Variants in MKLN1 observed in about 807,000 individuals in gnomAD.
MKLN1 encodes muskelin.
MKLN1 carries 18 observed loss-of-function variants against 99.0 expected under a neutral mutation model. That is an observed-to-expected ratio of 0.18 (90% confidence interval 0.13 to 0.27). MKLN1 has a LOEUF of 0.27. Among genes scored for constraint, MKLN1 ranks in the 10% least tolerant of loss-of-function variants. MKLN1 has a pLI of 1.00. For synonymous variants in MKLN1, 288 were observed against 293.2 expected (o/e 0.98, Z 0.18); for missense variants, 621 against 875.9 (o/e 0.71, Z 3.67).
intron 3 of MKLN1, among the ~76,000 whole-genome samples, chr7:131,281,959 C>T (rs1053002533): frequency 1.3e-5 from 2 of 152,138 alleles, no homozygotes; most frequent in African/African-American, 4.8e-5. Flanking sequence ...AGCCACCATG[C>T]CCAGCCACTG....
chr7:131,212,813 C>G (rs374599316), intron 3 of MKLN1, among the ~76,000 whole-genome samples: 1 of 152,170 alleles, frequency 6.6e-6, no homozygotes. Context: ...ATCCCAGCTA[C>G]TCCTGAGGCT....
chr7:131,264,537 G>T (rs1427576151), intron 3 of MKLN1, among the ~76,000 whole-genome samples: 1 of 152,128 alleles, frequency 6.6e-6, no homozygotes, highest in Non-Finnish European at 1.5e-5. Flanking sequence ...TAAGGAAAAT[G>T]AGTTATTTTT....
At chr7:131,315,500 C>G (rs1798649108) in intron 3 of MKLN1, among the ~76,000 whole-genome samples, 1 of 152,190 alleles carries the variant, frequency 6.6e-6, no homozygotes, top group Non-Finnish European at 1.5e-5. Context: ...ACTGAGCTAG[C>G]TACAGTTTTT....
chr7:131,428,599 A>G (rs924698697), intron 8 of MKLN1, among the ~76,000 whole-genome samples: 1 of 152,198 alleles, frequency 6.6e-6, no homozygotes, highest in African/African-American at 2.4e-5. Context: ...ATTTTTTAGA[A>G]TCTGAATTAA....
At chr7:131,112,198 C>T (rs1422396919) in intron 1 of MKLN1, among the ~76,000 whole-genome samples, 3 of 152,192 alleles carry the variant, frequency 2.0e-5, no homozygotes, top group Non-Finnish European at 4.4e-5. Context: ...TTGAGTGAGC[C>T]ATTGTAGGTC....
chr7:131,438,527 G>A (rs1181360012), intron 10 of MKLN1, among the ~76,000 whole-genome samples: 1 of 149,612 alleles, frequency 6.7e-6, no homozygotes, highest in African/African-American at 2.5e-5. Flanking sequence ...TTGTAGACTA[G>A]AAGACTGAAC....
At chr7:131,116,973 A>G (rs1274030084) in intron 1 of MKLN1, among the ~76,000 whole-genome samples, 1 of 152,154 alleles carries the variant, frequency 6.6e-6, no homozygotes, top group East Asian at 1.9e-4. Flanking sequence ...TTAAATGTAC[A>G]AAGCCTTTAC....
Position 131,487,821 on chromosome 7 carries a change from A to C in MKLN1, c.*93A>C. ...ACTGACTGACAGTAAAGCTGCAGTG[A>C]TTGAGGACTGCACCAGAGTTCTGAA... On this transcript the variant is annotated 3_prime_UTR_variant, in exon 18 of 18. Coordinates refer to ENST00000352689, the MANE Select transcript of MKLN1 (RefSeq NM_013255.5). This position sits in a 1 kb window ranked among gnomAD's most constrained non-coding sequence, Gnocchi z 4.7. 1 of 1,423,538 alleles carries C rather than the reference A, an allele frequency of 7.0e-7. No individual in the cohort carries two copies. The highest frequency in any genetic ancestry group is 9.6e-7 in the Non-Finnish European group (1 of 1,042,372). 88.2% of individuals were successfully genotyped at this position (1,423,538 alleles called of 1,614,324 possible).
chr7:131,263,155 T>A (rs565620772), intron 3 of MKLN1, among the ~76,000 whole-genome samples: 1 of 152,078 alleles, frequency 6.6e-6, no homozygotes, highest in Non-Finnish European at 1.5e-5. Flanking sequence ...CTGGTTGTCC[T>A]GGTATTGATG....
intron 9 of MKLN1, among the ~76,000 whole-genome samples, chr7:131,433,577 A>G (rs1024523197): frequency 6.6e-6 from 1 of 152,236 alleles, no homozygotes; most frequent in Non-Finnish European, 1.5e-5. Context: ...CCTGCAATGT[A>G]TGAGATTTCT....
At chr7:131,228,767 C>A (rs1797195740) in intron 3 of MKLN1, among the ~76,000 whole-genome samples, 1 of 152,214 alleles carries the variant, frequency 6.6e-6, no homozygotes, top group Non-Finnish European at 1.5e-5. Context: ...AAGATCCATG[C>A]TACATTTTCC....
At position 131,449,292 on chromosome 7, in the gene MKLN1, C is replaced by T. The variant is rs932626492; in HGVS notation, c.1525+3389C>T. ...TTGGTATGAAACTAGGTTAGAGCTA[C>T]GGAGATAAGAGTCAGAGTATTTAGT... On this transcript the variant is annotated intron_variant, in intron 12 of 17. Coordinates refer to ENST00000352689, the MANE Select transcript of MKLN1 (RefSeq NM_013255.5). 5.9e-5 allele frequency among the ~76,000 whole-genome samples: 9 copies of T among 152,062 alleles called. No homozygotes were observed. The South Asian group carries it at 6.2e-4, about 11-fold the overall frequency.
intron 1 of MKLN1, among the ~76,000 whole-genome samples, chr7:131,353,474 G>A (rs1271695457): frequency 6.6e-6 from 1 of 151,958 alleles, no homozygotes; most frequent in Non-Finnish European, 1.5e-5. Flanking sequence ...AGAGTACTTT[G>A]TATGTTTTAG....
At chr7:131,267,183 A>C (rs10245286) in intron 3 of MKLN1, among the ~76,000 whole-genome samples, 4,030 of 152,046 alleles carry the variant, frequency 0.027, 165 homozygotes, top group African/African-American at 0.089. Context: ...AATTACAAAA[A>C]TTAGCCAGGC....
chr7:131,186,813 T>G (rs1043935910), intron 2 of MKLN1, among the ~76,000 whole-genome samples: 2 of 152,138 alleles, frequency 1.3e-5, no homozygotes, highest in African/African-American at 4.8e-5. Context: ...AATTATGAGT[T>G]TAGTAGAATA....
At chr7:131,409,395 A>G (rs1158737090) in intron 6 of MKLN1, among the ~76,000 whole-genome samples, 4 of 152,236 alleles carry the variant, frequency 2.6e-5, no homozygotes, top group Non-Finnish European at 5.9e-5. Context: ...ACAAGGTAGT[A>G]AAAGCAATGC....
chr7:131,251,357 A>G (rs2116515947), intron 3 of MKLN1, among the ~76,000 whole-genome samples: 1 of 152,318 alleles, frequency 6.6e-6, no homozygotes, highest in East Asian at 1.9e-4. Context: ...GCTGCACATA[A>G]GAAAGCTGGG....
chr7:131,454,194 C>A (rs922773968), intron 12 of MKLN1, among the ~76,000 whole-genome samples: 4 of 151,720 alleles, frequency 2.6e-5, no homozygotes, highest in African/African-American at 9.7e-5. Flanking sequence ...ATAAGCTATA[C>A]AGAGATATTT....
At position 131,487,964 on chromosome 7, in the gene MKLN1, AAT is replaced by A. The variant is rs150780881; in HGVS notation, c.*253_*254del. Reference sequence around the variant, plus strand: ...GTGAAATTGGTATACTTTCCAGTTAAATATATATATATATATATTTTTTCTTA... The same window carrying A: ...GTGAAATTGGTATACTTTCCAGTTAAATATATATATATATATTTTTTCTTA... On this transcript the variant is annotated 3_prime_UTR_variant, in exon 18 of 18. Transcript: ENST00000352689. The surrounding 1 kb of genome is among the most constrained non-coding windows in gnomAD (Gnocchi z 4.7). 4.8e-3 allele frequency: 855 copies of A among 178,766 alleles called. No homozygotes were observed. Among genetic ancestry groups the A allele is most frequent in the Middle Eastern group, 9.2e-3 (4 of 434 alleles). 11.1% of individuals were successfully genotyped at this position (178,766 alleles called of 1,614,324 possible).
Sources: allele counts gnomAD v4.1 joint callset (sites outside exome capture counted in the v4.1 genomes callset), GRCh38; gene constraint gnomAD v4.1.1; non-coding constraint Gnocchi (gnomAD v3.1); transcripts MANE v1.5; gene names NCBI Gene and HGNC (gene_info 2026-07-23, HGNC 2026-07-21).